Variants in PTPRD observed in about 807,000 individuals in gnomAD.
The protein encoded by PTPRD is protein tyrosine phosphatase receptor type D.
Under a neutral mutation model 214.5 loss-of-function variants are expected in PTPRD, and 34 were observed. The observed-to-expected ratio is 0.16, with a 90% CI of 0.12 to 0.21. The LOEUF is 0.21. Ranked by LOEUF, PTPRD falls within the 10% of genes least tolerant of loss-of-function variation. The probability of loss-of-function intolerance (pLI) is 1.00; values close to 1 mark genes in which losing one functional copy is unlikely to be tolerated. For synonymous variants in PTPRD, 1,128 were observed against 845.7 expected, an observed-to-expected ratio of 1.33 and a Z score of -5.79; for missense variants, 2,545 against 2,398.7, an observed-to-expected ratio of 1.06 and a Z score of -1.27.
chr9:10,493,981 T>C (rs145535420), intron 2 of PTPRD, among the ~76,000 whole-genome samples: 44 of 152,060 alleles, frequency 2.9e-4, no homozygotes, highest in African/African-American at 1.0e-3. Flanking sequence ...GTATTCAACA[T>C]TAATCTTTAT....
intron 12 of PTPRD, among the ~76,000 whole-genome samples, chr9:8,648,366 T>C (rs2096737626): frequency 6.6e-6 from 1 of 152,240 alleles, no homozygotes; most frequent in African/African-American, 2.4e-5. Flanking sequence ...CTGGCCATTC[T>C]GTTTTGGTGT....
chr9:8,318,125 G>T (rs1224031659), intron 45 of PTPRD, among the ~76,000 whole-genome samples, 183 bp from the exon 46 acceptor site: 2 of 151,984 alleles, frequency 1.3e-5, no homozygotes, highest in African/African-American at 4.8e-5. Context: ...GCCACATGGG[G>T]TGTTGATTAA....
At chr9:10,393,547 T>C (rs1324534260) in intron 2 of PTPRD, among the ~76,000 whole-genome samples, 3 of 151,132 alleles carry the variant, frequency 2.0e-5, no homozygotes, top group Non-Finnish European at 4.4e-5. Flanking sequence ...TCCCAGCACT[T>C]TGGGAAGCCA....
intron 9 of PTPRD, among the ~76,000 whole-genome samples, chr9:9,339,204 G>C (rs1311516799): frequency 6.6e-6 from 1 of 152,054 alleles, no homozygotes; most frequent in Non-Finnish European, 1.5e-5. Context: ...GAGGCTAGGC[G>C]CGGTGGCTCA....
At chr9:9,671,722 C>A (rs1269031191) in intron 7 of PTPRD, among the ~76,000 whole-genome samples, 3 of 152,100 alleles carry the variant, frequency 2.0e-5, no homozygotes, top group Non-Finnish European at 1.5e-5. Context: ...GCATCTTCCT[C>A]ATTTTCTGTT....
Position 8,487,987 on chromosome 9 carries a change from C to T in PTPRD, c.2468-1638G>A, listed in dbSNP as rs2097066835. Among the ~76,000 whole-genome samples the T allele has an allele frequency of 2.6e-5, 4 of 152,088 alleles. No individual in the cohort carries two copies. In the South Asian group the frequency reaches 8.3e-4, roughly 32 times the overall value. ...GAGGCTGCAGTGAGCTATGATCACA[C>T]CATTGCTGTCCAGCCTGAGTGACAG... On this transcript the variant is annotated intron_variant, in intron 27 of 45. Coordinates refer to ENST00000381196, the MANE Select transcript of PTPRD (RefSeq NM_002839.4).
chr9:10,254,872 G>C (rs2093118030), intron 3 of PTPRD, among the ~76,000 whole-genome samples: 1 of 152,190 alleles, frequency 6.6e-6, no homozygotes, highest in Admixed American at 6.5e-5. Flanking sequence ...AATAATTGCA[G>C]TGTCTTGTAG....
At chr9:9,241,736 G>C (rs896526012) in intron 9 of PTPRD, among the ~76,000 whole-genome samples, 9 of 151,364 alleles carry the variant, frequency 5.9e-5, no homozygotes. Flanking sequence ...GCCTATGTGT[G>C]TCTCTCCATA....
intron 4 of PTPRD, among the ~76,000 whole-genome samples, chr9:9,939,915 A>G (rs982091235): frequency 6.6e-6 from 1 of 152,154 alleles, no homozygotes; most frequent in Non-Finnish European, 1.5e-5. Flanking sequence ...AATCCACTTT[A>G]TCACCTTCAT....
intron 9 of PTPRD, among the ~76,000 whole-genome samples, chr9:9,237,694 CTA>C (rs1170852564): frequency 2.0e-5 from 3 of 152,168 alleles, no homozygotes; most frequent in Admixed American, 1.3e-4. Flanking sequence ...GATCTTCAGA[CTA>C]TAAATTTTTG....
At chr9:9,586,697 G>C (rs111367933) in intron 7 of PTPRD, among the ~76,000 whole-genome samples, 7,392 of 151,968 alleles carry the variant, frequency 0.049, 556 homozygotes, top group African/African-American at 0.16. Context: ...TTGATAAATG[G>C]AAAGAGATAT....
chr9:8,346,662 G>C (rs938878559), intron 39 of PTPRD, among the ~76,000 whole-genome samples: 7 of 151,894 alleles, frequency 4.6e-5, no homozygotes, highest in African/African-American at 1.2e-4. Flanking sequence ...TGGTATTGTA[G>C]TGTTTGTCTT....
At chr9:8,646,503 T>G (rs142878171) in intron 12 of PTPRD, among the ~76,000 whole-genome samples, 1 of 152,198 alleles carries the variant, frequency 6.6e-6, no homozygotes, top group Non-Finnish European at 1.5e-5. Context: ...TAAAATTCTC[T>G]CATCTCGATG....
intron 3 of PTPRD, among the ~76,000 whole-genome samples, chr9:10,255,204 A>G (rs1402696173): frequency 6.6e-6 from 1 of 152,112 alleles, no homozygotes; most frequent in Non-Finnish European, 1.5e-5. Context: ...AAGGAGGGGG[A>G]TACATTCTGA....
intron 19 of PTPRD, among the ~76,000 whole-genome samples, chr9:8,522,593 G>A (rs1361316205): frequency 6.6e-6 from 1 of 152,158 alleles, no homozygotes; most frequent in African/African-American, 2.4e-5. Context: ...ATGACATTAA[G>A]AGAAGAGATC....
intron 3 of PTPRD, among the ~76,000 whole-genome samples, chr9:10,101,998 T>C (rs1228464114): frequency 2.0e-5 from 3 of 151,758 alleles, no homozygotes; most frequent in South Asian, 2.1e-4. Context: ...CCACGTTTTA[T>C]AGAAATTCTA....
At position 9,939,220 on chromosome 9, in the gene PTPRD, A is replaced by G. The variant is rs2090640394; in HGVS notation, c.-471-610T>C. On this transcript the variant is annotated intron_variant, in intron 4 of 45. Transcript: ENST00000381196. ...CATGATAAAAATTATAGGCTTGACGAAAACCATAGAGCAGGGCTCCTGTAT... is the reference window on the plus strand; with the variant it reads ...CATGATAAAAATTATAGGCTTGACGGAAACCATAGAGCAGGGCTCCTGTAT... Among the ~76,000 whole-genome samples the G allele has an allele frequency of 2.6e-5, 4 of 152,322 alleles. No homozygotes were observed. The East Asian group carries it at 7.7e-4, about 29-fold the overall frequency.
At chr9:9,101,571 A>G (rs576646891) in intron 10 of PTPRD, among the ~76,000 whole-genome samples, 1 of 152,354 alleles carries the variant, frequency 6.6e-6, no homozygotes, top group African/African-American at 2.4e-5. Flanking sequence ...TTTACAAAAT[A>G]GGAAAACTAA....
chr9:10,221,544 A>T (rs546561859), intron 3 of PTPRD, among the ~76,000 whole-genome samples: 1 of 151,996 alleles, frequency 6.6e-6, no homozygotes, highest in Non-Finnish European at 1.5e-5. Context: ...TTTATCCGCT[A>T]TTCCTTAGAG....
Sources: allele counts gnomAD v4.1 joint callset (sites outside exome capture counted in the v4.1 genomes callset), GRCh38; gene constraint gnomAD v4.1.1; transcripts MANE v1.5; gene names NCBI Gene and HGNC (gene_info 2026-07-23, HGNC 2026-07-21).